Variants in GATA3 observed in about 807,000 individuals in gnomAD.
GATA3 encodes GATA binding protein 3, also known as trans-acting T-cell-specific transcription factor GATA-3.
A neutral mutation model predicts 36.0 loss-of-function variants in GATA3; 6 were observed. The ratio of observed to expected loss-of-function variants is 0.17; its 90% CI spans 0.09 to 0.33. The LOEUF is 0.33. GATA3 is among the 10% of genes least tolerant of loss of function. The pLI is 1.00. For synonymous variants in GATA3, 326 were observed against 273.0 expected (o/e 1.19, Z -1.92); for missense variants, 514 against 610.1 (o/e 0.84, Z 1.66).
At chr10:8,062,644 T>C (rs923597340) in intron 3 of GATA3, among the ~76,000 whole-genome samples, 2 of 152,212 alleles carry the variant, frequency 1.3e-5, no homozygotes, top group African/African-American at 4.8e-5. Flanking sequence ...TCTCTTCTTC[T>C]ACCCCAGTGG....
rs889929947 is a variant in GATA3 at position 8,073,982 on chromosome 10, G to T, written c.1294G>T (p.Gly432Ter). ...PMHPPSSLSF[G>*]PHHPSSMVTA... is the part of the protein sequence containing the mutation. Reference sequence around the variant, plus strand: ...GCACCCGCCATCCAGCCTGTCCTTTGGACCACACCACCCCTCCAGCATGGT... The same window carrying T: ...GCACCCGCCATCCAGCCTGTCCTTTTGACCACACCACCCCTCCAGCATGGT... The change falls in exon 6 of 6, where the codon GGA becomes TGA. Residue 432 changes from glycine (G) to a stop codon, truncating the protein, a stop_gained. Coordinates refer to ENST00000379328, the MANE Select transcript of GATA3 (RefSeq NM_001002295.2). LOFTEE classifies it high-confidence loss of function. The T allele has an allele frequency of 1.2e-6, 2 of 1,614,084 alleles. No homozygotes were observed. Among genetic ancestry groups the T allele is most frequent in the Non-Finnish European group, 1.7e-6 (2 of 1,180,014 alleles).
At chr10:8,045,928 T>C (rs1345327056) in intron 1 of GATA3, among the ~76,000 whole-genome samples, 2 of 152,014 alleles carry the variant, frequency 1.3e-5, no homozygotes, top group African/African-American at 2.4e-5. Flanking sequence ...ATGTTTATTT[T>C]CCTCTGTTTA....
At chr10:8,065,257 T>C (rs922023098) in intron 4 of GATA3, among the ~76,000 whole-genome samples, 3 of 138,042 alleles carry the variant, frequency 2.2e-5, no homozygotes, top group African/African-American at 5.6e-5. Context: ...ACTTTCTTTT[T>C]TTTTTTTTTT....
chr10:8,049,848 G>T (rs1466962052), upstream of GATA3, among the ~76,000 whole-genome samples: 4 of 152,210 alleles, frequency 2.6e-5, no homozygotes, highest in Non-Finnish European at 5.9e-5. Flanking sequence ...ACATGGTTCG[G>T]GTGACAGAAA....
At position 8,074,019 on chromosome 10, in the gene GATA3, G is replaced by A; in HGVS notation, c.1331G>A (p.Gly444Asp). Residue 444 changes from glycine to aspartate, a missense_variant, in exon 6 of 6, where the codon GGT becomes GAT. This residue lies in a region of GATA3 where 89 missense variants were observed against 104.2 expected (regional missense o/e 0.85). Coordinates refer to ENST00000379328, the MANE Select transcript of GATA3 (RefSeq NM_001002295.2). ...CCCTCCAGCATGGTCACCGCCATGGGTTAGAGCCCTGCTCGATGCTCACAG... is the reference window on the plus strand; with the variant it reads ...CCCTCCAGCATGGTCACCGCCATGGATTAGAGCCCTGCTCGATGCTCACAG... ...HHPSSMVTAM[G>D] The A allele has an allele frequency of 6.2e-7, 1 of 1,614,006 alleles. No individual in the cohort carries two copies.
chr10:8,075,074 G>A lies in GATA3; in HGVS notation c.*1051G>A, dbSNP rs1444036073. ...CAGCGACCCTGGCCCGACAGGCCAC[G>A]TCCTGCAATCGGCCCGGCTGCCTCT... On this transcript the variant is annotated 3_prime_UTR_variant, in exon 6 of 6. Transcript: ENST00000379328. 8 of 233,108 alleles carry A rather than the reference G, an allele frequency of 3.4e-5. No homozygotes were observed. Among genetic ancestry groups the A allele is most frequent in the African/African-American group, 1.1e-4 (5 of 45,334 alleles). 14.4% of individuals were successfully genotyped at this position (233,108 alleles called of 1,614,324 possible). A position where few individuals can be genotyped will look rare whatever the true frequency, so the allele number is the denominator to read the frequency against.
Position 8,064,767 on chromosome 10 carries a change from TG to T in GATA3, c.924+632del, listed in dbSNP as rs57157674. Among the ~76,000 whole-genome samples the T allele has an allele frequency of 9.4e-3, 1,430 of 152,382 alleles. 28 individuals carry two copies. The highest frequency in any genetic ancestry group is 0.033 in the African/African-American group (1,362 of 41,590). Reference sequence around the variant, plus strand: ...GAGAACTTTCCACAGGCAATTCCTATGGGAAACGTCGTGTGAGTCCTCTCAT... The same window carrying T: ...GAGAACTTTCCACAGGCAATTCCTATGGAAACGTCGTGTGAGTCCTCTCAT... On this transcript the variant is annotated intron_variant, in intron 4 of 5. Transcript: ENST00000379328.
intron 5 of GATA3, among the ~76,000 whole-genome samples, chr10:8,069,931 G>A (rs562593990): frequency 1.3e-5 from 2 of 152,196 alleles, no homozygotes; most frequent in African/African-American, 4.8e-5. Context: ...AAAGCCACCG[G>A]TCCTATTTTG....
rs999354639 is a variant in GATA3, at chr10:8,074,968, A to G, written c.*945A>G. ...GATGATATTTATTAAATAGCTTCTA[A>G]GAGTCCGGCGGCATCTGTCTTGTCC... On this transcript the variant is annotated 3_prime_UTR_variant, in exon 6 of 6. Coordinates refer to ENST00000379328, the MANE Select transcript of GATA3 (RefSeq NM_001002295.2). 4.3e-6 allele frequency: 1 copy of G among 233,556 alleles called. No individual in the cohort carries two copies. The highest frequency in any genetic ancestry group is 8.5e-6 in the Non-Finnish European group (1 of 118,068). The allele number at this position is 233,556 out of a possible 1,614,324, so 14.5% of individuals were successfully genotyped here.
chr10:8,066,077 GT>G (rs11393359), intron 4 of GATA3, among the ~76,000 whole-genome samples: 1 of 149,140 alleles, frequency 6.7e-6, no homozygotes, highest in Non-Finnish European at 1.5e-5. Flanking sequence ...TGTTTTTTCT[GT>G]TTTTTTTCTA....
chr10:8,065,700 G>GTTTTTTTTTTTTTTTTT (rs748515966), intron 4 of GATA3, among the ~76,000 whole-genome samples: 2 of 62,284 alleles, frequency 3.2e-5, no homozygotes, highest in African/African-American at 6.6e-5. Flanking sequence ...CAGCAGTTTG[G>GTTTTTTTTTTTTTTTTT]TTTTTTTTTT....
intron 1 of GATA3, among the ~76,000 whole-genome samples, chr10:8,048,600 T>C (rs1320561260): frequency 6.6e-6 from 1 of 152,120 alleles, no homozygotes; most frequent in Non-Finnish European, 1.5e-5. Flanking sequence ...TTTCCTCCCG[T>C]GGCACCCACC....
chr10:8,055,769 G>A lies in GATA3; in HGVS notation c.114G>A (p.Ala38=), dbSNP rs545189339. Residue 38 remains alanine (A), a synonymous_variant, in exon 2 of 6, where the codon GCG becomes GCA. Transcript: ENST00000379328. This position sits in a 1 kb window ranked among gnomAD's most constrained non-coding sequence, Gnocchi z 5.4. ...GCCTCAGCCACTCCTACATGGACGCGGCGCAGTACCCGCTGCCGGAGGAGG... is the reference window on the plus strand; with the variant it reads ...GCCTCAGCCACTCCTACATGGACGCAGCGCAGTACCCGCTGCCGGAGGAGG... ...HPGLSHSYMD[A]AQYPLPEEVD... is the part of the protein sequence containing the mutation. The A allele has an allele frequency of 2.8e-5, 45 of 1,590,900 alleles. No individual in the cohort carries two copies. In the East Asian group the frequency reaches 1.0e-3, roughly 36 times the overall value.
intron 4 of GATA3, among the ~76,000 whole-genome samples, chr10:8,067,749 C>T (rs570011176): frequency 1.3e-4 from 20 of 152,282 alleles, no homozygotes; most frequent in African/African-American, 4.1e-4. Flanking sequence ...ACCCAGGAGG[C>T]GGAGCTTGCA....
chr10:8,046,173 T>TAACTCCCGGGACATC (rs1461725597), intron 1 of GATA3, among the ~76,000 whole-genome samples: 2 of 152,230 alleles, frequency 1.3e-5, no homozygotes, highest in East Asian at 3.9e-4. Context: ...GATTTGGACT[T>TAACTCCCGGGACATC]AACTCCCGGG....
intron 1 of GATA3, among the ~76,000 whole-genome samples, chr10:8,047,129 G>C (rs1363542259): frequency 6.6e-6 from 1 of 152,252 alleles, no homozygotes; most frequent in Non-Finnish European, 1.5e-5. Flanking sequence ...GCAGAGAAGG[G>C]ATGGGAGTGG....
intron 4 of GATA3, among the ~76,000 whole-genome samples, chr10:8,064,540 G>A (rs965320392): frequency 3.9e-5 from 6 of 152,148 alleles, no homozygotes; most frequent in Non-Finnish European, 8.8e-5. Context: ...GTATGAGGAC[G>A]GAATGTTCCA....
intron 3 of GATA3, among the ~76,000 whole-genome samples, chr10:8,063,693 G>C (rs1388706352): frequency 6.6e-6 from 1 of 152,012 alleles, no homozygotes; most frequent in Non-Finnish European, 1.5e-5. Flanking sequence ...ATTCCTCCTT[G>C]GTCCTGCCCG....
chr10:8,069,916 CAA>C (rs1182362100), intron 5 of GATA3, among the ~76,000 whole-genome samples: 1 of 151,544 alleles, frequency 6.6e-6, no homozygotes, highest in East Asian at 1.9e-4. Context: ...TTTTGGAAAA[CAA>C]AAAAAGCCAC....
Sources: allele counts gnomAD v4.1 joint callset (sites outside exome capture counted in the v4.1 genomes callset), GRCh38; gene constraint gnomAD v4.1.1; regional missense constraint gnomAD v4.1.1; non-coding constraint Gnocchi (gnomAD v3.1); transcripts MANE v1.5; gene names NCBI Gene and HGNC (gene_info 2026-07-23, HGNC 2026-07-21).